Variants in KIF5A observed in about 807,000 individuals in gnomAD.
KIF5A encodes kinesin family member 5A.
KIF5A carries 35 observed loss-of-function variants against 141.3 expected under a neutral mutation model. The ratio of observed to expected loss-of-function variants is 0.25; its 90% CI spans 0.19 to 0.33. The LOEUF (loss-of-function observed/expected upper bound fraction) is 0.33, where lower values mean the gene tolerates loss of function less well. Among genes scored for constraint, KIF5A ranks in the 10% least tolerant of loss-of-function variants. The probability of loss-of-function intolerance (pLI) is 1.00; values close to 1 mark genes in which losing one functional copy is unlikely to be tolerated. For missense variants in KIF5A, 861 were observed against 1,314.3 expected, an observed-to-expected ratio of 0.66 and a Z score of 5.33; for synonymous variants, 448 against 500.2, an observed-to-expected ratio of 0.90 and a Z score of 1.39.
Position 57,572,493 on chromosome 12 carries a change from GT to G in KIF5A, c.1570-86del. 3 of 1,559,362 alleles carry G rather than the reference GT, an allele frequency of 1.9e-6. No homozygotes were observed. Among genetic ancestry groups the G allele is most frequent in the Non-Finnish European group, 8.8e-7 (1 of 1,137,174 alleles). On this transcript the variant is annotated intron_variant, in intron 14 of 28. Transcript: ENST00000455537. The surrounding 1 kb of genome is among the most constrained non-coding windows in gnomAD (Gnocchi z 4.2). ...TGTTCTCTTCATAGCAGCCCTCAGGGTCTTGCATGAAGGGAGAGGCCTCTGC... is the reference window on the plus strand; with the variant it reads ...TGTTCTCTTCATAGCAGCCCTCAGGGCTTGCATGAAGGGAGAGGCCTCTGC...
chr12:57,571,336 C>A lies in KIF5A; in HGVS notation c.1309C>A (p.Gln437Lys). The change falls in exon 13 of 29, where the codon CAA (glutamine) becomes AAA (lysine). Residue 437 changes from glutamine (Q) to lysine (K), a missense_variant. By Grantham distance (53) the Gln-to-Lys change is moderately conservative. Coordinates refer to ENST00000455537, the MANE Select transcript of KIF5A (RefSeq NM_004984.4). The stretch of plus-strand genomic sequence containing the variant: ...CCTCCAACAGGATGATGAAATCAAC[C>A]AACAAAGCCAACTCATAGAGAAGCT... ...QLDDKDDEIN[Q>K]QSQLIEKLKQ... The A allele has an allele frequency of 6.2e-7, 1 of 1,611,842 alleles. No individual in the cohort carries two copies. The highest frequency in any genetic ancestry group is 1.1e-5 in the South Asian group (1 of 91,020).
intron 1 of KIF5A, among the ~76,000 whole-genome samples, chr12:57,560,667 C>A (rs1276928663): frequency 6.6e-6 from 1 of 152,078 alleles, no homozygotes; most frequent in African/African-American, 2.4e-5. Flanking sequence ...TTCTTGTTCA[C>A]CTTTTTCTGT....
At chr12:57,581,973 AT>A in intron 26 of KIF5A, 21 bp downstream of exon 26, 1 of 1,597,036 alleles carries the variant, frequency 6.3e-7, no homozygotes, top group South Asian at 1.1e-5. Context: ...AAGATGGGTA[AT>A]CCCACCTTTG....
intron 8 of KIF5A, 67 bp from the exon 9 acceptor site, chr12:57,568,896 A>T: frequency 9.8e-7 from 1 of 1,021,570 alleles, no homozygotes; most frequent in Non-Finnish European, 1.5e-6. Context: ...GAGCCCTGGA[A>T]CGAGGTGGTG....
chr12:57,575,779 A>T (rs200823990), intron 17 of KIF5A, 22 bp downstream of exon 17: 1 of 1,505,482 alleles, frequency 6.6e-7, no homozygotes, highest in East Asian at 2.3e-5. Flanking sequence ...TTATACCTCC[A>T]TCCCACTGTC....
In KIF5A at chr12:57,569,246, C is replaced by T. The variant is rs374848194; in HGVS notation, c.820-10C>T. Reference sequence around the variant, plus strand: ...TTTATTTCTGATTCCTGGTCTCCTTCCTCCCCCAGAAAAGCTATGTTCCAT... The same window carrying T: ...TTTATTTCTGATTCCTGGTCTCCTTTCTCCCCCAGAAAAGCTATGTTCCAT... On this transcript the variant is annotated splice_polypyrimidine_tract_variant and intron_variant, in intron 9 of 28. Coordinates refer to ENST00000455537, the MANE Select transcript of KIF5A (RefSeq NM_004984.4). 2.5e-5 allele frequency: 40 copies of T among 1,613,810 alleles called. No homozygotes were observed. In the African/African-American group the frequency reaches 5.1e-4, roughly 20 times the overall value.
At chr12:57,551,014 T>A (rs755271019) in intron 1 of KIF5A, among the ~76,000 whole-genome samples, 32 of 152,030 alleles carry the variant, frequency 2.1e-4, no homozygotes, top group Non-Finnish European at 4.4e-4. Flanking sequence ...GCCTCTGGAA[T>A]CCTAAGGTCA....
At chr12:57,575,559 G>A (rs1474381041) in intron 16 of KIF5A, 81 bp from the exon 17 acceptor site, 13 of 1,180,256 alleles carry the variant, frequency 1.1e-5, no homozygotes, top group Non-Finnish European at 1.7e-5. Flanking sequence ...GCTGGGAGGA[G>A]AGCTGGAGTT....
chr12:57,564,018 G>T (rs368675944), intron 3 of KIF5A, 90 bp from the exon 4 acceptor site: 4 of 911,856 alleles, frequency 4.4e-6, no homozygotes, highest in Admixed American at 3.6e-5. Context: ...TCTTCTTATT[G>T]ACTCTTGCCT....
chr12:57,553,604 G>C (rs1042625606), intron 1 of KIF5A, among the ~76,000 whole-genome samples: 12 of 152,164 alleles, frequency 7.9e-5, no homozygotes, highest in African/African-American at 2.9e-4. Context: ...CCTGGCACTT[G>C]AAGTTCAGCT....
intron 17 of KIF5A, 66 bp from the exon 18 acceptor site, chr12:57,576,021 C>A: frequency 6.6e-7 from 1 of 1,505,332 alleles, no homozygotes; most frequent in South Asian, 1.1e-5. Flanking sequence ...GAGTTCTGGT[C>A]ACAACGTGAA....
intron 26 of KIF5A, 57 bp from the exon 27 acceptor site, chr12:57,582,545 C>T: frequency 1.4e-6 from 2 of 1,421,346 alleles, no homozygotes; most frequent in South Asian, 2.3e-5. Flanking sequence ...CTGTTTCTAA[C>T]ACCCAATCTC....
At chr12:57,578,809 G>A (rs2140169993) in intron 23 of KIF5A, among the ~76,000 whole-genome samples, 1 of 152,264 alleles carries the variant, frequency 6.6e-6, no homozygotes, top group South Asian at 2.1e-4. Flanking sequence ...CATGCCTGTA[G>A]TCCCAGCGCT....
chr12:57,551,998 AAAAACAAAAC>A (rs371860261), intron 1 of KIF5A, among the ~76,000 whole-genome samples: 5 of 151,736 alleles, frequency 3.3e-5, no homozygotes, highest in East Asian at 1.9e-4. Context: ...TGGCTGGGCT[AAAAACAAAAC>A]AAAACAAAAC....
Position 57,572,012 on chromosome 12 carries a change from A to G in KIF5A, c.1363-49A>G, listed in dbSNP as rs1455225628. The stretch of plus-strand genomic sequence containing the variant: ...GCTTCCCAGACCCAAGGCCATAGAA[A>G]TGGTCACTGGCAGTGATCTTTCCCA... On this transcript the variant is annotated intron_variant, in intron 13 of 28. Coordinates refer to ENST00000455537, the MANE Select transcript of KIF5A (RefSeq NM_004984.4). This position sits in a 1 kb window ranked among gnomAD's most constrained non-coding sequence, Gnocchi z 4.2. The G allele has an allele frequency of 2.6e-6, 4 of 1,529,764 alleles. No individual in the cohort carries two copies. Among genetic ancestry groups the G allele is most frequent in the Non-Finnish European group, 2.7e-6 (3 of 1,110,358 alleles). 94.8% of individuals were successfully genotyped at this position (1,529,764 alleles called of 1,614,324 possible). A position where few individuals can be genotyped will look rare whatever the true frequency, so the allele number is the denominator to read the frequency against.
intron 12 of KIF5A, among the ~76,000 whole-genome samples, chr12:57,570,743 C>T (rs1045622126): frequency 7.9e-5 from 12 of 152,198 alleles, no homozygotes; most frequent in African/African-American, 2.9e-4. Flanking sequence ...GCACAATTTC[C>T]TACTTCATTA....
chr12:57,576,699 CT>C, intron 19 of KIF5A, 61 bp from the exon 20 acceptor site: 1 of 1,233,688 alleles, frequency 8.1e-7, no homozygotes, highest in Non-Finnish European at 1.2e-6. Flanking sequence ...AAGAGCTGGC[CT>C]TCCCTTCCCC....
At chr12:57,556,840 T>A (rs758199554) in intron 1 of KIF5A, among the ~76,000 whole-genome samples, 26 of 152,080 alleles carry the variant, frequency 1.7e-4, no homozygotes, top group Non-Finnish European at 3.4e-4. Context: ...TTTCTGCCTG[T>A]TTTATATTCT....
chr12:57,562,742 G>A (rs919490026), intron 1 of KIF5A, among the ~76,000 whole-genome samples: 15 of 152,130 alleles, frequency 9.9e-5, no homozygotes, highest in African/African-American at 3.4e-4. Flanking sequence ...ATCAGGGTAC[G>A]TGGATCTGTT....
Sources: gnomAD v4.1 joint callset for allele counts (sites outside exome capture counted in the v4.1 genomes callset) on GRCh38, gnomAD v4.1.1 for gene constraint, Gnocchi (gnomAD v3.1) non-coding constraint, MANE v1.5 for transcripts, NCBI Gene and HGNC (gene_info 2026-07-23, HGNC 2026-07-21) for gene names.